The following DNAH14 variants were observed in gnomAD, a reference collection of about 807,000 sequenced individuals.
The protein encoded by DNAH14 is axonemal beta dynein heavy chain 14.
A neutral mutation model predicts 520.9 loss-of-function variants in DNAH14; 478 were observed. The observed-to-expected ratio is 0.92, with a 90% CI of 0.85 to 0.99. The LOEUF (loss-of-function observed/expected upper bound fraction) is 0.99, where lower values mean the gene tolerates loss of function less well. Ranked by LOEUF, DNAH14 falls within the 50% of genes least tolerant of loss-of-function variation. The pLI, the probability that DNAH14 is intolerant of heterozygous loss-of-function variation, is 0.00. For missense variants in DNAH14, 4,831 were observed against 5,234.5 expected (o/e 0.92, Z 2.38); for synonymous variants, 1,581 against 1,757.2 (o/e 0.90, Z 2.51).
chr1:225,374,452 G>T (rs1355992439), intron 77 of DNAH14, among the ~76,000 whole-genome samples: 1 of 150,744 alleles, frequency 6.6e-6, no homozygotes, highest in Non-Finnish European at 1.5e-5. Context: ...GTAGAGATAG[G>T]GTTTCACCAT....
At chr1:225,043,607 A>G (rs2067680469) in intron 13 of DNAH14, 137 bp from the exon 14 acceptor site, 2 of 645,830 alleles carry the variant, frequency 3.1e-6, no homozygotes, top group Non-Finnish European at 5.3e-6. Flanking sequence ...GTACTGCTTC[A>G]GTATTGTGTT....
intron 8 of DNAH14, among the ~76,000 whole-genome samples, chr1:224,990,346 T>C (rs569655353): frequency 6.6e-6 from 1 of 152,278 alleles, no homozygotes; most frequent in East Asian, 1.9e-4. Flanking sequence ...TCTTAGCACT[T>C]TTGAAATGTA....
chr1:224,933,123 T>G (rs1362868535), intron 1 of DNAH14, among the ~76,000 whole-genome samples: 1 of 152,162 alleles, frequency 6.6e-6, no homozygotes, highest in Non-Finnish European at 1.5e-5. Context: ...GTTTTATAGT[T>G]TTCTATGTAG....
intron 16 of DNAH14, among the ~76,000 whole-genome samples, 163 bp from the exon 17 acceptor site, chr1:225,051,288 A>G (rs1170215280): frequency 6.6e-6 from 1 of 152,220 alleles, no homozygotes; most frequent in East Asian, 1.9e-4. Context: ...TAAATTTCTT[A>G]AAGTCTTGTG....
At position 224,955,450 on chromosome 1, in the gene DNAH14, T is replaced by C. The variant is rs148018006; in HGVS notation, c.217+352T>C. 2.6e-5 allele frequency among the ~76,000 whole-genome samples: 4 copies of C among 152,298 alleles called. No homozygotes were observed. The East Asian group carries it at 7.7e-4, about 29-fold the overall frequency. On this transcript the variant is annotated intron_variant, in intron 3 of 85. Coordinates refer to ENST00000682510, the MANE Select transcript of DNAH14 (RefSeq NM_001367479.1). ...GGTTCTCCTAAGTCCCCAGTGCCTC[T>C]AGCTGTATTGTGACCTCCTTTATTG... is the stretch of plus-strand genomic sequence containing the variant.
At chr1:225,193,610 G>C (rs2085732562) in intron 38 of DNAH14, among the ~76,000 whole-genome samples, 1 of 152,100 alleles carries the variant, frequency 6.6e-6, no homozygotes, top group Admixed American at 6.6e-5. Flanking sequence ...GTGGGGAAAA[G>C]CTGGAAGCAT....
intron 8 of DNAH14, among the ~76,000 whole-genome samples, chr1:224,978,842 T>C (rs957517270): frequency 9.2e-5 from 14 of 152,090 alleles, no homozygotes; most frequent in Admixed American, 7.2e-4. Flanking sequence ...GGACTCACTA[T>C]GTTGCCCAGG....
At chr1:225,004,165 G>A (rs959675219) in intron 9 of DNAH14, among the ~76,000 whole-genome samples, 1 of 152,030 alleles carries the variant, frequency 6.6e-6, no homozygotes, top group African/African-American at 2.4e-5. Context: ...TGAATACAAA[G>A]TGAAAAACAA....
chr1:225,024,193 T>A, intron 11 of DNAH14: 4 of 986,730 alleles, frequency 4.1e-6, no homozygotes, highest in Non-Finnish European at 4.8e-6. Flanking sequence ...TTATTTGTTA[T>A]ATCTGGCAAT....
intron 9 of DNAH14, among the ~76,000 whole-genome samples, chr1:225,007,020 A>G (rs933412597): frequency 2.0e-5 from 3 of 152,172 alleles, no homozygotes; most frequent in Non-Finnish European, 2.9e-5. Context: ...ACGTTGAAAT[A>G]TTGGGTGCTG....
At chr1:225,323,697 G>A (rs1487352469) in intron 62 of DNAH14, among the ~76,000 whole-genome samples, 1 of 151,966 alleles carries the variant, frequency 6.6e-6, no homozygotes, top group African/African-American at 2.4e-5. Flanking sequence ...TCCTGACCTT[G>A]TGATCTGCCC....
intron 1 of DNAH14, among the ~76,000 whole-genome samples, chr1:224,939,369 T>C (rs1056155668): frequency 6.6e-6 from 1 of 152,054 alleles, no homozygotes; most frequent in African/African-American, 2.4e-5. Flanking sequence ...GCATGGCCCT[T>C]TTAAAACGAA....
Position 225,335,492 on chromosome 1 carries a change from TGTGTAC to T in DNAH14, c.10081-1773_10081-1768del, listed in dbSNP as rs1364457207. Among the ~76,000 whole-genome samples, 198 of 149,506 alleles carry T rather than the reference TGTGTAC, an allele frequency of 1.3e-3. 28 individuals carry two copies. The highest frequency in any genetic ancestry group is 1.4e-3 in the Non-Finnish European group (91 of 66,746). ...ATGTGTGTGTATGCACATATACACG[TGTGTAC>T]ATGTACACATATACATATGTACATA... On this transcript the variant is annotated intron_variant, in intron 66 of 85. Coordinates refer to ENST00000682510, the MANE Select transcript of DNAH14 (RefSeq NM_001367479.1).
intron 15 of DNAH14, 76 bp downstream of exon 15, chr1:225,044,059 T>A: frequency 1.2e-6 from 1 of 814,880 alleles, no homozygotes; most frequent in Non-Finnish European, 1.9e-6. Flanking sequence ...ATCTGATGCC[T>A]TTACCCAGGG....
chr1:225,019,672 A>G (rs571401277), intron 10 of DNAH14, among the ~76,000 whole-genome samples: 69 of 152,216 alleles, frequency 4.5e-4, no homozygotes, highest in Admixed American at 1.9e-3. Context: ...TTGTCCATAA[A>G]GTAAGTCTCA....
chr1:225,102,288 C>A (rs544452561), intron 23 of DNAH14, among the ~76,000 whole-genome samples: 19 of 152,144 alleles, frequency 1.2e-4, no homozygotes, highest in Middle Eastern at 3.4e-3. Context: ...TCCAGTCTAT[C>A]ATTGTTGGAC....
chr1:225,102,831 C>G (rs1040590437), intron 23 of DNAH14, among the ~76,000 whole-genome samples: 6 of 151,940 alleles, frequency 3.9e-5, no homozygotes, highest in Non-Finnish European at 7.4e-5. Flanking sequence ...TTTCTGCCAT[C>G]CTGTAGGTTG....
chr1:225,037,022 G>T (rs543470642), intron 11 of DNAH14, among the ~76,000 whole-genome samples: 32 of 152,144 alleles, frequency 2.1e-4, no homozygotes, highest in Admixed American at 7.2e-4. Flanking sequence ...AATCTATGTT[G>T]TCTGATGAAA....
intron 34 of DNAH14, among the ~76,000 whole-genome samples, chr1:225,158,248 T>G (rs1056062837): frequency 5.9e-5 from 9 of 152,202 alleles, no homozygotes; most frequent in African/African-American, 2.2e-4. Flanking sequence ...GTATAACTTA[T>G]ATTAGTATGC....
Sources: allele counts gnomAD v4.1 joint callset (sites outside exome capture counted in the v4.1 genomes callset), GRCh38; gene constraint gnomAD v4.1.1; transcripts MANE v1.5; gene names NCBI Gene and HGNC (gene_info 2026-07-23, HGNC 2026-07-21).